The following TPGS2 variants were observed in gnomAD, a reference collection of about 807,000 sequenced individuals.
The protein encoded by TPGS2 is polyglutamylase subunit 2.
Under a neutral mutation model 31.1 loss-of-function variants are expected in TPGS2, and 26 were observed. The ratio of observed to expected loss-of-function variants is 0.84; its 90% CI spans 0.61 to 1.16. The LOEUF (loss-of-function observed/expected upper bound fraction) is 1.16. Ranked by LOEUF, TPGS2 falls within the 50% of genes most tolerant of loss-of-function variation. The pLI, the probability that TPGS2 is intolerant of heterozygous loss-of-function variation, is 0.00. For missense variants in TPGS2, 351 were observed against 363.8 expected (o/e 0.96, Z 0.29); for synonymous variants, 130 against 136.6 (o/e 0.95, Z 0.34).
At chr18:36,819,000 G>A in intron 1 of TPGS2, 27 bp from the exon 2 acceptor site, 1 of 1,585,892 alleles carries the variant, frequency 6.3e-7, no homozygotes, top group Non-Finnish European at 8.6e-7. Flanking sequence ...AGTCTGTAGA[G>A]TTGCAATTGG....
At chr18:36,807,701 C>T (rs559379517) in intron 3 of TPGS2, 146 bp downstream of exon 3, 23 of 659,530 alleles carry the variant, frequency 3.5e-5, no homozygotes, top group Middle Eastern at 3.8e-4. Context: ...AGTTTTGGGA[C>T]ATAATCACAG....
intron 2 of TPGS2, among the ~76,000 whole-genome samples, chr18:36,816,460 G>A (rs1428326710): frequency 6.6e-6 from 1 of 152,214 alleles, no homozygotes; most frequent in Non-Finnish European, 1.5e-5. Flanking sequence ...ACACAAGGAA[G>A]AATATGCCTC....
rs1446002735 is a variant in TPGS2, at chr18:36,797,389, C to T, written c.658-339G>A. On this transcript the variant is annotated intron_variant, in intron 6 of 6. Coordinates refer to ENST00000334295, the MANE Select transcript of TPGS2 (RefSeq NM_015476.4). ...TAGAGGACAGCGTCTATTGTTCTGCCCTCAAACCAGCTACTCCCCATCAGG... is the reference window on the plus strand; with the variant it reads ...TAGAGGACAGCGTCTATTGTTCTGCTCTCAAACCAGCTACTCCCCATCAGG... 2.0e-5 allele frequency among the ~76,000 whole-genome samples: 3 copies of T among 150,562 alleles called. No homozygotes were observed. In the East Asian group the frequency reaches 5.8e-4, roughly 29 times the overall value.
At chr18:36,823,466 T>TTTTTTTG (rs1456938774) in intron 1 of TPGS2, among the ~76,000 whole-genome samples, 2 of 137,430 alleles carry the variant, frequency 1.5e-5, no homozygotes, top group African/African-American at 5.6e-5. Flanking sequence ...GCTTGTTTTT[T>TTTTTTTG]TTTTTTTTTT....
chr18:36,785,358 C>G (rs563512964), intron 6 of TPGS2, among the ~76,000 whole-genome samples: 1 of 152,310 alleles, frequency 6.6e-6, no homozygotes, highest in South Asian at 2.1e-4. Context: ...GTACAAATTT[C>G]TCATCAATTA....
downstream of TPGS2, among the ~76,000 whole-genome samples, chr18:36,793,114 CAT>C (rs2044372154): frequency 6.6e-6 from 1 of 152,202 alleles, no homozygotes; most frequent in Non-Finnish European, 1.5e-5. Context: ...ACACAGGGCC[CAT>C]ACTCAGAAGG....
intron 2 of TPGS2, among the ~76,000 whole-genome samples, chr18:36,808,637 CA>C (rs971118213): frequency 3.5e-5 from 5 of 141,574 alleles, no homozygotes; most frequent in Non-Finnish European, 6.2e-5. Context: ...GACTCCATCT[CA>C]AAAAAAAAAC....
At chr18:36,789,668 A>G (rs1485196863), downstream of TPGS2, 1 of 150,020 alleles carries the variant, frequency 6.7e-6, no homozygotes, top group Non-Finnish European at 1.5e-5. Flanking sequence ...TCCCTACCCA[A>G]ATCTCATCTT....
chr18:36,828,367 A>G (rs1266442997), intron 1 of TPGS2, among the ~76,000 whole-genome samples: 1 of 152,024 alleles, frequency 6.6e-6, no homozygotes, highest in Non-Finnish European at 1.5e-5. Context: ...GGGGAGATCC[A>G]ACTTCCCAAC....
At position 36,796,867 on chromosome 18, in the gene TPGS2, C is replaced by T. The variant is rs117567703; in HGVS notation, c.841G>A (p.Gly281Ser). ...GGQKGPSGPS[G>S]PSTSSTSKSS... ...TTAGAAGTGGAGGAAGTGGAGGGAC[C>T]GGAGGGTCCTGAGGGCCCTTTCTGG... Residue 281 changes from glycine to serine, a missense_variant, in exon 7 of 7, where the codon GGT becomes AGT. By Grantham distance (56) the Gly-to-Ser change is moderately conservative (BLOSUM62 0). Transcript: ENST00000334295. 5,994 of 1,609,540 alleles carry T rather than the reference C, an allele frequency of 3.7e-3. 23 individuals carry two copies. The highest frequency in any genetic ancestry group is 4.4e-3 in the Non-Finnish European group (5,176 of 1,178,660).
chr18:36,786,141 A>T (rs528809719), intron 6 of TPGS2, among the ~76,000 whole-genome samples: 1 of 152,334 alleles, frequency 6.6e-6, no homozygotes, highest in Non-Finnish European at 1.5e-5. Context: ...GACCAGAACC[A>T]GTCCATGGTT....
At chr18:36,808,208 G>T (rs1358410775) in intron 2 of TPGS2, among the ~76,000 whole-genome samples, 1 of 152,112 alleles carries the variant, frequency 6.6e-6, no homozygotes, top group Non-Finnish European at 1.5e-5. Flanking sequence ...GAGCTCAAAG[G>T]GAACAAGCTG....
chr18:36,787,220 C>T, intron 6 of TPGS2: 1 of 953,694 alleles, frequency 1.0e-6, no homozygotes, highest in Non-Finnish European at 1.4e-6. Context: ...GTGTCAGCAG[C>T]AGTTTTCCTG....
chr18:36,782,224 C>T (rs1474152232), downstream of TPGS2, among the ~76,000 whole-genome samples: 1 of 152,176 alleles, frequency 6.6e-6, no homozygotes, highest in African/African-American at 2.4e-5. Context: ...ATTGAATAAA[C>T]CTAATCTTAA....
intron 6 of TPGS2, chr18:36,786,837 A>G: frequency 8.1e-7 from 1 of 1,234,342 alleles, no homozygotes; most frequent in Non-Finnish European, 1.0e-6. Flanking sequence ...AGCAACACCT[A>G]ACAGTGAAAA....
In TPGS2 at chr18:36,829,001, G is replaced by T. The variant is rs946029224; in HGVS notation, c.-234C>A. ...ACCTCCGGGACGTAGCTTCCCCTTC[G>T]CCCCCACCCTCTCGCCCCGCAGGGG... On this transcript the variant is annotated 5_prime_UTR_variant, in exon 1 of 7. Transcript: ENST00000334295. 1.6e-5 allele frequency: 18 copies of T among 1,159,038 alleles called. No homozygotes were observed. In the African/African-American group the frequency reaches 2.0e-4, roughly 13 times the overall value. 71.8% of individuals were successfully genotyped at this position (1,159,038 alleles called of 1,614,324 possible).
At chr18:36,816,331 T>C (rs1046945327) in intron 2 of TPGS2, among the ~76,000 whole-genome samples, 2 of 152,220 alleles carry the variant, frequency 1.3e-5, no homozygotes, top group African/African-American at 4.8e-5. Context: ...CTGCAGACTC[T>C]ATCCCTGAAA....
At chr18:36,786,574 G>A in intron 6 of TPGS2, 1 of 288,326 alleles carries the variant, frequency 3.5e-6, no homozygotes, top group Non-Finnish European at 6.4e-6. Flanking sequence ...TGGCTGACAT[G>A]GCTTTAGATC....
At chr18:36,812,673 A>G (rs2045483980) in intron 2 of TPGS2, among the ~76,000 whole-genome samples, 1 of 152,212 alleles carries the variant, frequency 6.6e-6, no homozygotes, top group African/African-American at 2.4e-5. Flanking sequence ...GGAGGGGGTC[A>G]TGGGAACCCC....
Sources: allele counts gnomAD v4.1 joint callset (sites outside exome capture counted in the v4.1 genomes callset), GRCh38; gene constraint gnomAD v4.1.1; transcripts MANE v1.5; gene names NCBI Gene and HGNC (gene_info 2026-07-23, HGNC 2026-07-21).